CUBN: variants seen among roughly 807,000 people sequenced by gnomAD.
The protein encoded by CUBN is cubilin.
A neutral mutation model predicts 405.3 loss-of-function variants in CUBN; 282 were observed. The ratio of observed to expected loss-of-function variants is 0.70; its 90% CI spans 0.63 to 0.77. The LOEUF is 0.77. Ranked by LOEUF, CUBN falls within the 30% of genes least tolerant of loss-of-function variation. The pLI is 0.00. For missense variants in CUBN, 4,514 were observed against 4,475.2 expected (o/e 1.01, Z -0.25); for synonymous variants, 1,684 against 1,617.0 (o/e 1.04, Z -0.99).
At chr10:17,050,230 G>A (rs1167260212) in intron 22 of CUBN, among the ~76,000 whole-genome samples, 1 of 152,072 alleles carries the variant, frequency 6.6e-6, no homozygotes, top group Non-Finnish European at 1.5e-5. Flanking sequence ...ACAAGCAACT[G>A]TACTAAACTA....
At position 16,913,943 on chromosome 10, in the gene CUBN, G is replaced by C; in HGVS notation, c.7401C>G (p.Asn2467Lys). 6.2e-7 allele frequency: 1 copy of C among 1,614,134 alleles called. No individual in the cohort carries two copies. Among genetic ancestry groups the C allele is most frequent in the Middle Eastern group, 1.6e-4 (1 of 6,062 alleles). ...GGCCATGAGGATTTGGGTTCGGGTA[G>C]TTGGGAGAAGTAAATGTTCCAATAG... ...QGSIGTFTSP[N>K]YPNPNPHGRI... Residue 2467 changes from asparagine to lysine, a missense_variant, in exon 48 of 67, where the codon AAC becomes AAG. Coordinates refer to ENST00000377833, the MANE Select transcript of CUBN (RefSeq NM_001081.4).
intron 40 of CUBN, among the ~76,000 whole-genome samples, chr10:16,931,347 C>T (rs7090658): frequency 0.61 from 93,284 of 151,886 alleles, 29,981 homozygotes; most frequent in African/African-American, 0.81. Flanking sequence ...TGACACAGAC[C>T]AGGCACTCAA....
At chr10:17,022,671 A>G (rs1202758632) in intron 27 of CUBN, among the ~76,000 whole-genome samples, 1 of 151,670 alleles carries the variant, frequency 6.6e-6, no homozygotes, top group Non-Finnish European at 1.5e-5. Context: ...CCTGCAGGAG[A>G]TTCATCTCAG....
At chr10:17,083,819 G>A (rs1029215268) in intron 17 of CUBN, among the ~76,000 whole-genome samples, 4 of 151,976 alleles carry the variant, frequency 2.6e-5, no homozygotes, top group African/African-American at 9.7e-5. Flanking sequence ...AGAAATACCA[G>A]GCCCAGCAAA....
chr10:17,003,969 T>C (rs938220882), intron 28 of CUBN, among the ~76,000 whole-genome samples: 2 of 152,208 alleles, frequency 1.3e-5, no homozygotes, highest in African/African-American at 2.4e-5. Context: ...TTCACACTAG[T>C]CTAGCTGGCT....
At chr10:17,041,321 A>G in intron 26 of CUBN, 101 bp from the exon 27 acceptor site, 4 of 879,972 alleles carry the variant, frequency 4.5e-6, no homozygotes, top group Non-Finnish European at 7.6e-6. Context: ...TCATCTGTGT[A>G]TGTACACACA....
intron 27 of CUBN, among the ~76,000 whole-genome samples, chr10:17,029,201 C>A (rs1934144672): frequency 6.6e-6 from 1 of 152,194 alleles, no homozygotes; most frequent in Non-Finnish European, 1.5e-5. Context: ...AGAGCAGAGG[C>A]TCTTTTGAAG....
At chr10:17,061,377 G>A (rs540864780) in intron 22 of CUBN, among the ~76,000 whole-genome samples, 1 of 152,038 alleles carries the variant, frequency 6.6e-6, no homozygotes, top group Non-Finnish European at 1.5e-5. Context: ...AGAATTTCTG[G>A]GTGGGGCCCA....
At chr10:17,100,337 C>G in intron 13 of CUBN, 98 bp from the exon 14 acceptor site, 1 of 776,874 alleles carries the variant, frequency 1.3e-6, no homozygotes, top group Non-Finnish European at 2.3e-6. Flanking sequence ...GAGGCACTTT[C>G]AAGAGCTAGA....
At chr10:16,869,247 C>A (rs908683150) in intron 59 of CUBN, among the ~76,000 whole-genome samples, 15 of 147,764 alleles carry the variant, frequency 1.0e-4, no homozygotes, top group Non-Finnish European at 2.2e-4. Context: ...CCCACTGCAA[C>A]CTCCATCTCC....
At chr10:17,115,419 A>G in intron 7 of CUBN, 52 bp downstream of exon 7, 1 of 1,610,738 alleles carries the variant, frequency 6.2e-7, no homozygotes, top group Non-Finnish European at 8.5e-7. Context: ...GAGGAGGAGG[A>G]GCTACTAACC....
rs976098146 is a variant in CUBN at position 16,939,091 on chromosome 10, G to A, written c.5605C>T (p.Pro1869Ser). ...TTGGAGTTATGTGGGTAGTTTTCAG[G>A]CCAGAAAGGAGAGGCGACTTTCCCA... ...THGKVASPFW[P>S]ENYPHNSNYQ... is the part of the protein sequence containing the mutation. The change falls in exon 38 of 67, where the codon CCT (proline) becomes TCT (serine). Residue 1869 changes from proline to serine, a missense_variant. Transcript: ENST00000377833. 1.9e-5 allele frequency: 30 copies of A among 1,613,830 alleles called. No homozygotes were observed. The highest frequency in any genetic ancestry group is 2.3e-5 in the Non-Finnish European group (27 of 1,179,808).
chr10:16,833,575 C>A (rs1839075532), intron 64 of CUBN, among the ~76,000 whole-genome samples: 1 of 152,136 alleles, frequency 6.6e-6, no homozygotes, highest in Admixed American at 6.5e-5. Context: ...CCTGGCCAGG[C>A]TGGGCAGAAG....
rs191787640 is a variant in CUBN, at chr10:16,948,480, G to A, written c.5207C>T (p.Ser1736Leu). 300 of 1,613,820 alleles carry A rather than the reference G, an allele frequency of 1.9e-4. No individual in the cohort carries two copies. In the East Asian group the frequency reaches 5.5e-3, roughly 30 times the overall value. Residue 1736 changes from serine to leucine, a missense_variant and splice_region_variant, in exon 35 of 67, where the codon TCG becomes TTG. Coordinates refer to ENST00000377833, the MANE Select transcript of CUBN (RefSeq NM_001081.4). The stretch of plus-strand genomic sequence containing the variant: ...AGTCAGGTGCTAGGGTTTCTTACCC[G>A]ACACTGATGCGGTGACCGTGGTGTG... The part of the protein sequence containing the change: ...GFHTTVTASV[S>L]ACGGTFYMAE...
chr10:16,937,444 T>C, intron 39 of CUBN, 148 bp downstream of exon 39: 1 of 650,464 alleles, frequency 1.5e-6, no homozygotes, highest in Non-Finnish European at 2.7e-6. Flanking sequence ...GTAGTGTTTA[T>C]GAATTTAAAA....
chr10:17,118,116 G>A (rs940644807), intron 6 of CUBN, among the ~76,000 whole-genome samples: 2 of 152,160 alleles, frequency 1.3e-5, no homozygotes, highest in Non-Finnish European at 2.9e-5. Flanking sequence ...TGGGAGATGA[G>A]TAGGCATTAA....
chr10:16,933,081 T>C lies in CUBN; in HGVS notation c.6124+6A>G, dbSNP rs1842405677. ...TGAAACTCAGCATTCTTTATAATGT[T>C]CTCACCATCTCGTATCACAAGGCTA... On this transcript the variant is annotated splice_donor_region_variant and intron_variant, in intron 40 of 66. Transcript: ENST00000377833. 1 of 1,613,466 alleles carries C rather than the reference T, an allele frequency of 6.2e-7. No homozygotes were observed. Among genetic ancestry groups the C allele is most frequent in the East Asian group, 2.2e-5 (1 of 44,866 alleles).
chr10:17,047,424 G>A lies in CUBN; in HGVS notation c.3319C>T (p.Leu1107=). Residue 1107 remains leucine, a synonymous_variant, in exon 23 of 67, where the codon CTG becomes TTG. Transcript: ENST00000377833. Reference sequence around the variant, plus strand: ...AATAAAAGTGCTGACCTGATTTCCAGAAAATCTGTATAATAGTTTCCAATG... The same window carrying A: ...AATAAAAGTGCTGACCTGATTTCCAAAAAATCTGTATAATAGTTTCCAATG... ...EAIGNYYTDF[L]EIRDGGYEKS... The A allele has an allele frequency of 4.3e-6, 7 of 1,611,964 alleles. No individual in the cohort carries two copies. Among genetic ancestry groups the A allele is most frequent in the Non-Finnish European group, 5.9e-6 (7 of 1,178,276 alleles).
At chr10:16,867,436 G>A (rs1320672520) in intron 59 of CUBN, among the ~76,000 whole-genome samples, 1 of 152,136 alleles carries the variant, frequency 6.6e-6, no homozygotes, top group African/African-American at 2.4e-5. Context: ...TGAAAGTTAT[G>A]CAGAATGATC....
Sources: gnomAD v4.1 joint callset for allele counts (sites outside exome capture counted in the v4.1 genomes callset) on GRCh38, gnomAD v4.1.1 for gene constraint, MANE v1.5 for transcripts, NCBI Gene and HGNC (gene_info 2026-07-23, HGNC 2026-07-21) for gene names.